Variants in NR5A2 observed in about 807,000 individuals in gnomAD.
NR5A2 encodes the protein nuclear receptor subfamily 5 group A member 2.
NR5A2 carries 26 observed loss-of-function variants against 62.7 expected under a neutral mutation model. The observed-to-expected ratio is 0.41, with a 90% confidence interval of 0.30 to 0.58. The LOEUF is 0.58. Ranked by LOEUF, NR5A2 falls within the 20% of genes least tolerant of loss-of-function variation. The pLI is 0.22. For missense variants in NR5A2, 541 were observed against 669.1 expected, an observed-to-expected ratio of 0.81 and a Z score of 2.11; for synonymous variants, 246 against 241.7, an observed-to-expected ratio of 1.02 and a Z score of -0.16.
Position 200,043,899 on chromosome 1 carries a change from T to G in NR5A2, c.321+7T>G. On this transcript the variant is annotated splice_region_variant and intron_variant, in intron 3 of 7. Coordinates refer to ENST00000367362, the MANE Select transcript of NR5A2 (RefSeq NM_205860.3). ...CACCTGTGAAAGCTGCAAGGTTTGC[T>G]CACACATTGCTACCTGAAAAATATA... 6.5e-7 allele frequency: 1 copy of G among 1,543,814 alleles called. No homozygotes were observed. The highest frequency in any genetic ancestry group is 8.9e-7 in the Non-Finnish European group (1 of 1,118,472).
At chr1:200,119,705 C>T (rs374051854) in intron 6 of NR5A2, among the ~76,000 whole-genome samples, 27 of 152,244 alleles carry the variant, frequency 1.8e-4, no homozygotes, top group African/African-American at 6.3e-4. Flanking sequence ...TGGCTCACTG[C>T]AACCTCCGCC....
intron 7 of NR5A2, among the ~76,000 whole-genome samples, chr1:200,167,729 C>T (rs1226064369): frequency 6.6e-6 from 1 of 152,218 alleles, no homozygotes; most frequent in Non-Finnish European, 1.5e-5. Context: ...TCCTTCTCCA[C>T]AAAGGCTGAG....
In NR5A2 at chr1:200,174,562, A is replaced by G. The variant is rs1654336031; in HGVS notation, c.*352A>G. On this transcript the variant is annotated 3_prime_UTR_variant, in exon 8 of 8. Transcript: ENST00000367362. Reference sequence around the variant, plus strand: ...TTGTATATTTAAACTGATCTCCACTATGAAGAAATTTAGGAACTAATCTTA... The same window carrying G: ...TTGTATATTTAAACTGATCTCCACTGTGAAGAAATTTAGGAACTAATCTTA... The G allele has an allele frequency of 1.2e-5, 2 of 162,474 alleles. No individual in the cohort carries two copies. The highest frequency in any genetic ancestry group is 1.3e-4 in the Admixed American group (2 of 15,618). The allele number at this position is 162,474 out of a possible 1,614,324, so 10.1% of individuals were successfully genotyped here.
Position 200,045,519 on chromosome 1 carries a change from C to T in NR5A2, c.398C>T (p.Thr133Ile), listed in dbSNP as rs777249920. The change falls in exon 4 of 8, where the codon ACA becomes ATA. Residue 133 changes from threonine to isoleucine, a missense_variant. Around this residue, in one of 3 missense-constraint regions of NR5A2, gnomAD observed 54 missense variants for 123.8 expected, o/e 0.44. Transcript: ENST00000367362. Reference sequence around the variant, plus strand: ...AACCAGAACTGCCAAATTGACAAAACACAGAGAAAGCGTTGTCCTTACTGT... The same window carrying T: ...AACCAGAACTGCCAAATTGACAAAATACAGAGAAAGCGTTGTCCTTACTGT... ...IENQNCQIDK[T>I]QRKRCPYCRF... 6.2e-7 allele frequency: 1 copy of T among 1,613,292 alleles called. No individual in the cohort carries two copies. Among genetic ancestry groups the T allele is most frequent in the East Asian group, 2.2e-5 (1 of 44,838 alleles).
chr1:200,162,235 C>A (rs2102381274), intron 7 of NR5A2, among the ~76,000 whole-genome samples: 1 of 152,274 alleles, frequency 6.6e-6, no homozygotes, highest in South Asian at 2.1e-4. Flanking sequence ...ATACCCAATG[C>A]CCTGCATGAT....
intron 7 of NR5A2, among the ~76,000 whole-genome samples, chr1:200,122,402 G>T (rs1179554472): frequency 6.6e-6 from 1 of 152,282 alleles, no homozygotes; most frequent in East Asian, 1.9e-4. Context: ...TAGCATCTTA[G>T]TGATAAAATA....
intron 6 of NR5A2, among the ~76,000 whole-genome samples, chr1:200,118,019 C>CTTTTT (rs397982581): frequency 3.4e-4 from 40 of 117,334 alleles, no homozygotes; most frequent in African/African-American, 1.2e-3. Context: ...TCGCCTTTTT[C>CTTTTT]TTTTTTTTTT....
rs1667070711 is a variant in NR5A2 at position 200,133,546 on chromosome 1, TACAC to T, written c.1378+12593_1378+12596del. Among the ~76,000 whole-genome samples the T allele has an allele frequency of 2.0e-4, 12 of 59,924 alleles. No individual in the cohort carries two copies. The South Asian group carries it at 5.6e-3, about 28-fold the overall frequency. 39.3% of individuals were successfully genotyped at this position (59,924 alleles called of 152,430 possible). A position where few individuals can be genotyped will look rare whatever the true frequency, so the allele number is the denominator to read the frequency against. On this transcript the variant is annotated intron_variant, in intron 7 of 7. Coordinates refer to ENST00000367362, the MANE Select transcript of NR5A2 (RefSeq NM_205860.3). ...ATATATACACACACATATATATATA[TACAC>T]ATATATACACACATATATATATACA... is the stretch of plus-strand genomic sequence containing the variant.
At chr1:200,145,671 G>A (rs571983834) in intron 7 of NR5A2, among the ~76,000 whole-genome samples, 2 of 152,262 alleles carry the variant, frequency 1.3e-5, no homozygotes, top group South Asian at 4.1e-4. Flanking sequence ...CTGTTGTCCA[G>A]GCTGGAGTGC....
At chr1:200,119,789 G>A (rs1299407633) in intron 6 of NR5A2, among the ~76,000 whole-genome samples, 2 of 152,116 alleles carry the variant, frequency 1.3e-5, no homozygotes, top group Non-Finnish European at 2.9e-5. Context: ...ACCACGCCCA[G>A]CCAATTTTTG....
Position 200,147,776 on chromosome 1 carries a change from G to A in NR5A2, c.1379-26187G>A, listed in dbSNP as rs2102357385. On this transcript the variant is annotated intron_variant, in intron 7 of 7. Coordinates refer to ENST00000367362, the MANE Select transcript of NR5A2 (RefSeq NM_205860.3). This position sits in a 1 kb window ranked among gnomAD's most constrained non-coding sequence, Gnocchi z 4.9. ...CGGATGCCGGCGCGAATGCCGGCAC[G>A]GATGCCGGCACGGTGGGCAGCCGCC... 1 of 10,750 alleles carries A rather than the reference G, an allele frequency of 9.3e-5. No homozygotes were observed. The highest frequency in any genetic ancestry group is 4.9e-4 in the South Asian group (1 of 2,026). The allele number at this position is 10,750 out of a possible 1,614,324, so 0.7% of individuals were successfully genotyped here. A position where few individuals can be genotyped will look rare whatever the true frequency, so the allele number is the denominator to read the frequency against.
chr1:200,100,809 T>C (rs888396115), intron 5 of NR5A2, among the ~76,000 whole-genome samples: 1 of 152,126 alleles, frequency 6.6e-6, no homozygotes, highest in Non-Finnish European at 1.5e-5. Context: ...TAGGAGAAGA[T>C]GTTTTGCAAA....
At chr1:200,156,543 GCCC>G (rs923744087) in intron 7 of NR5A2, among the ~76,000 whole-genome samples, 1 of 151,900 alleles carries the variant, frequency 6.6e-6, no homozygotes, top group Non-Finnish European at 1.5e-5. Flanking sequence ...GATTACAGGT[GCCC>G]CCCCACCACA....
At chr1:200,127,992 G>A (rs1267128273) in intron 7 of NR5A2, among the ~76,000 whole-genome samples, 4 of 151,752 alleles carry the variant, frequency 2.6e-5, no homozygotes, top group Non-Finnish European at 5.9e-5. Context: ...ATATCTATTG[G>A]TAGAAGCAGA....
In NR5A2 at chr1:200,153,021, G is replaced by C. The variant is rs536903331; in HGVS notation, c.1379-20942G>C. On this transcript the variant is annotated intron_variant, in intron 7 of 7. Coordinates refer to ENST00000367362, the MANE Select transcript of NR5A2 (RefSeq NM_205860.3). ...GCAAGGTTAGCCTTTCTATTTGCCA[G>C]TGTCCCTGACAATTAAAACAGTGAA... Among the ~76,000 whole-genome samples, 16 of 152,328 alleles carry C rather than the reference G, an allele frequency of 1.1e-4. No individual in the cohort carries two copies. In the South Asian group the frequency reaches 1.2e-3, roughly 12 times the overall value.
At chr1:200,095,821 G>A (rs1428936361) in intron 5 of NR5A2, among the ~76,000 whole-genome samples, 1 of 151,930 alleles carries the variant, frequency 6.6e-6, no homozygotes, top group Non-Finnish European at 1.5e-5. Flanking sequence ...CAAAGTGCTG[G>A]GATTACAGGT....
chr1:200,110,699 C>T (rs1315570356), intron 5 of NR5A2, among the ~76,000 whole-genome samples: 1 of 152,220 alleles, frequency 6.6e-6, no homozygotes, highest in Admixed American at 6.5e-5. Flanking sequence ...GTGTCTTTGT[C>T]TCCAAAAGTC....
intron 7 of NR5A2, among the ~76,000 whole-genome samples, chr1:200,153,802 G>A (rs1344859699): frequency 6.6e-6 from 1 of 151,966 alleles, no homozygotes; most frequent in Non-Finnish European, 1.5e-5. Flanking sequence ...GTATGGAGGG[G>A]GAGATAGAGG....
In NR5A2 at chr1:200,171,388, G is replaced by A. The variant is rs577134909; in HGVS notation, c.1379-2575G>A. ...ACACCTATATATTTTCCTGCCAGAA[G>A]GAAAATTGCACATATTTCCCAAGTT... On this transcript the variant is annotated intron_variant, in intron 7 of 7. Transcript: ENST00000367362. Among the ~76,000 whole-genome samples, 44 of 152,228 alleles carry A rather than the reference G, an allele frequency of 2.9e-4. 1 individual carries two copies. The South Asian group carries it at 7.7e-3, about 27-fold the overall frequency.
Sources: gnomAD v4.1 joint callset for allele counts (sites outside exome capture counted in the v4.1 genomes callset) on GRCh38, gnomAD v4.1.1 for gene constraint, gnomAD v4.1.1 regional missense constraint, Gnocchi (gnomAD v3.1) non-coding constraint, MANE v1.5 for transcripts, NCBI Gene and HGNC (gene_info 2026-07-23, HGNC 2026-07-21) for gene names.